The following N4BP1 variants were observed in gnomAD, a reference collection of about 807,000 sequenced individuals.
N4BP1 encodes the protein NEDD4-binding protein 1.
N4BP1 carries 21 observed loss-of-function variants against 70.9 expected under a neutral mutation model. The observed-to-expected ratio is 0.30, with a 90% CI of 0.21 to 0.43. The LOEUF (loss-of-function observed/expected upper bound fraction) is 0.43, where lower values mean the gene tolerates loss of function less well. N4BP1 is among the 20% of genes least tolerant of loss of function. The pLI, the probability that N4BP1 is intolerant of heterozygous loss-of-function variation, is 1.00. For missense variants in N4BP1, 936 were observed against 1,069.4 expected (o/e 0.88, Z 1.74); for synonymous variants, 387 against 394.6 (o/e 0.98, Z 0.23).
intron 4 of N4BP1, 73 bp from the exon 5 acceptor site, chr16:48,548,187 G>A (rs1963615943): frequency 1.2e-6 from 1 of 854,790 alleles, no homozygotes; most frequent in Non-Finnish European, 1.9e-6. Context: ...TATAAGAAGA[G>A]AATATTTCCT....
chr16:48,538,731 T>A lies in N4BP1; in HGVS notation c.*4173A>T, dbSNP rs1366765649. Reference sequence around the variant, plus strand: ...AAGAAGGCACTGTCCTCCAGTTCAGTTGAGCAGACATTTATTAAGCACCTA... The same window carrying A: ...AAGAAGGCACTGTCCTCCAGTTCAGATGAGCAGACATTTATTAAGCACCTA... On this transcript the variant is annotated 3_prime_UTR_variant, in exon 7 of 7. Coordinates refer to ENST00000262384, the MANE Select transcript of N4BP1 (RefSeq NM_153029.4). 6.6e-6 allele frequency: 1 copy of A among 151,938 alleles called. No individual in the cohort carries two copies. Among genetic ancestry groups the A allele is most frequent in the Non-Finnish European group, 1.5e-5 (1 of 68,020 alleles). The allele number at this position is 151,938 out of a possible 1,614,324, so 9.4% of individuals were successfully genotyped here. A position where few individuals can be genotyped will look rare whatever the true frequency, so the allele number is the denominator to read the frequency against.
chr16:48,589,382 T>C (rs1343275556), intron 1 of N4BP1, among the ~76,000 whole-genome samples: 1 of 152,122 alleles, frequency 6.6e-6, no homozygotes, highest in Non-Finnish European at 1.5e-5. Context: ...TCAGTGCCAA[T>C]GATTTAATCA....
chr16:48,583,331 T>A (rs1378787267), intron 1 of N4BP1, among the ~76,000 whole-genome samples: 1 of 152,162 alleles, frequency 6.6e-6, no homozygotes, highest in Non-Finnish European at 1.5e-5. Context: ...AAATGATGTA[T>A]GTGGAATCTA....
intron 1 of N4BP1, among the ~76,000 whole-genome samples, chr16:48,576,596 T>C (rs1208829777): frequency 6.6e-6 from 1 of 152,252 alleles, no homozygotes; most frequent in Non-Finnish European, 1.5e-5. Flanking sequence ...CTCATGTCTG[T>C]TGTCATTCTT....
rs367970276 is a variant in N4BP1 at position 48,562,195 on chromosome 16, T to C, written c.448A>G (p.Ser150Gly). ...LFENKENLPS[S>G]QKESEVKREF... is the part of the protein sequence containing the mutation. ...CTTTTCACCTCTGATTCTTTCTGAC[T>C]ACTGGGTAGGTTCTCTTTATTTTCA... The change falls in exon 2 of 7, where the codon AGT becomes GGT. Residue 150 changes from serine (S) to glycine (G), a missense_variant. Physicochemically the swap from Ser to Gly is moderately conservative, Grantham distance 56. This residue lies in a region of N4BP1 where 187 missense variants were observed against 217.1 expected (regional missense o/e 0.86). Transcript: ENST00000262384. 2 of 1,613,914 alleles carry C rather than the reference T, an allele frequency of 1.2e-6. No homozygotes were observed. The highest frequency in any genetic ancestry group is 1.7e-6 in the Non-Finnish European group (2 of 1,179,918).
intron 1 of N4BP1, among the ~76,000 whole-genome samples, chr16:48,589,113 A>T (rs1267334493): frequency 1.3e-5 from 2 of 152,216 alleles, no homozygotes; most frequent in African/African-American, 4.8e-5. Context: ...CATAAAAGAC[A>T]ATCCCAAAGA....
chr16:48,560,528 G>A (rs946110893), intron 2 of N4BP1: 7 of 502,226 alleles, frequency 1.4e-5, no homozygotes, highest in African/African-American at 1.4e-4. Context: ...ATCCTCTCTT[G>A]CCCTTAGAAA....
At chr16:48,560,655 T>G in intron 2 of N4BP1, 99 bp downstream of exon 2, 1 of 1,438,406 alleles carries the variant, frequency 7.0e-7, no homozygotes, top group Non-Finnish European at 9.4e-7. Context: ...ACAGATCAAC[T>G]ATATACAACA....
At chr16:48,598,526 T>TA (rs1464831694) in intron 1 of N4BP1, among the ~76,000 whole-genome samples, 1 of 152,058 alleles carries the variant, frequency 6.6e-6, no homozygotes, top group Non-Finnish European at 1.5e-5. Flanking sequence ...ACGGCATGAA[T>TA]AAAATGAAAT....
At chr16:48,570,789 C>CT (rs1231561194) in intron 1 of N4BP1, among the ~76,000 whole-genome samples, 2 of 151,916 alleles carry the variant, frequency 1.3e-5, no homozygotes, top group South Asian at 2.1e-4. Flanking sequence ...TATGCTTACT[C>CT]TTTTTTTTAA....
At chr16:48,557,702 GA>G (rs1284414420) in intron 2 of N4BP1, among the ~76,000 whole-genome samples, 3 of 152,098 alleles carry the variant, frequency 2.0e-5, no homozygotes, top group Admixed American at 6.5e-5. Flanking sequence ...CAGCTACTAG[GA>G]AAGATTGCCT....
chr16:48,561,750 T>C lies in N4BP1; in HGVS notation c.893A>G (p.Gln298Arg), dbSNP rs1356032414. The change falls in exon 2 of 7, where the codon CAG (glutamine) becomes CGG (arginine). Residue 298 changes from glutamine (Q) to arginine (R), a missense_variant. Around this residue, in one of 4 missense-constraint regions of N4BP1, gnomAD observed 515 missense variants for 491.7 expected, o/e 1.05. Coordinates refer to ENST00000262384, the MANE Select transcript of N4BP1 (RefSeq NM_153029.4). ...CTCCTGAACATTTTCCAAAGAAAAC[T>C]GCTTCTTCGTATGCCTTTCTTCAGA... ...SDSEERHTKKQFSLENVQEGE... is the reference protein window; with the variant it reads ...SDSEERHTKKRFSLENVQEGE... The C allele has an allele frequency of 6.2e-7, 1 of 1,612,290 alleles. No individual in the cohort carries two copies. The highest frequency in any genetic ancestry group is 1.3e-5 in the African/African-American group (1 of 74,938).
chr16:48,575,767 GACAA>G (rs1361622797), intron 1 of N4BP1, among the ~76,000 whole-genome samples: 2 of 152,146 alleles, frequency 1.3e-5, no homozygotes, highest in East Asian at 3.8e-4. Flanking sequence ...AATGGCAATG[GACAA>G]ACAGAGCGAA....
chr16:48,549,416 A>G (rs1963633944), intron 4 of N4BP1, among the ~76,000 whole-genome samples: 1 of 152,228 alleles, frequency 6.6e-6, no homozygotes, highest in Non-Finnish European at 1.5e-5. Flanking sequence ...CATGTTCTCT[A>G]AAAACCCAAA....
intron 1 of N4BP1, among the ~76,000 whole-genome samples, chr16:48,601,663 C>G (rs1964501900): frequency 6.6e-6 from 1 of 151,774 alleles, no homozygotes; most frequent in African/African-American, 2.4e-5. Context: ...TAAGACTGAA[C>G]AAAACCTTTC....
intron 1 of N4BP1, among the ~76,000 whole-genome samples, chr16:48,563,561 G>A (rs766054598): frequency 1.3e-5 from 2 of 151,906 alleles, no homozygotes; most frequent in Admixed American, 6.6e-5. Context: ...AATTTTGTAC[G>A]CTAGATGGGG....
rs778802065 is a variant in N4BP1, at chr16:48,562,084, A to G, written c.559T>C (p.Leu187=). 2 of 1,613,692 alleles carry G rather than the reference A, an allele frequency of 1.2e-6. No homozygotes were observed. Among genetic ancestry groups the G allele is most frequent in the African/African-American group, 1.3e-5 (1 of 74,886 alleles). ...TTCTCCTCACCTTGTGTGAGTGTCA[A>G]AAGTTCTTTTTTCAAGGAAGTGGGC... The part of the protein sequence containing the change: ...ILPTSLKKEL[L]TLTQGEENLF... The change falls in exon 2 of 7, where the codon TTG becomes CTG. Residue 187 remains leucine, a synonymous_variant. Transcript: ENST00000262384.
chr16:48,539,529 G>C lies in N4BP1; in HGVS notation c.*3375C>G, dbSNP rs1191540754. ...AGAGGGGACAGCGAGGAGAGGGACG[G>C]TGTGGCCCTAAGGGTGACTGCAGTT... On this transcript the variant is annotated 3_prime_UTR_variant, in exon 7 of 7. Coordinates refer to ENST00000262384, the MANE Select transcript of N4BP1 (RefSeq NM_153029.4). The C allele has an allele frequency of 6.6e-6, 1 of 152,450 alleles. No individual in the cohort carries two copies. Among genetic ancestry groups the C allele is most frequent in the Non-Finnish European group, 1.5e-5 (1 of 68,204 alleles). The allele number at this position is 152,450 out of a possible 1,614,324, so 9.4% of individuals were successfully genotyped here.
At chr16:48,571,889 A>G (rs1237491548) in intron 1 of N4BP1, among the ~76,000 whole-genome samples, 3 of 152,170 alleles carry the variant, frequency 2.0e-5, no homozygotes, top group Non-Finnish European at 4.4e-5. Flanking sequence ...GTAACATAAA[A>G]TCATTTCCCA....
Sources: allele counts gnomAD v4.1 joint callset (sites outside exome capture counted in the v4.1 genomes callset), GRCh38; gene constraint gnomAD v4.1.1; regional missense constraint gnomAD v4.1.1; transcripts MANE v1.5; gene names NCBI Gene and HGNC (gene_info 2026-07-23, HGNC 2026-07-21).